ADAM22: variants seen among roughly 807,000 people sequenced by gnomAD.
ADAM22 encodes ADAM metallopeptidase domain 22.
Under a neutral mutation model 144.6 loss-of-function variants are expected in ADAM22, and 65 were observed. The ratio of observed to expected loss-of-function variants is 0.45; its 90% CI spans 0.37 to 0.55. The LOEUF (loss-of-function observed/expected upper bound fraction) is 0.55. Ranked by LOEUF, ADAM22 falls within the 20% of genes least tolerant of loss-of-function variation. The pLI, the probability that ADAM22 is intolerant of heterozygous loss-of-function variation, is 0.00. For synonymous variants in ADAM22, 391 were observed against 412.6 expected (o/e 0.95, Z 0.63); for missense variants, 974 against 1,184.9 (o/e 0.82, Z 2.61).
intron 3 of ADAM22, among the ~76,000 whole-genome samples, chr7:87,986,494 A>G (rs1229966980): frequency 1.3e-5 from 2 of 152,198 alleles, no homozygotes; most frequent in African/African-American, 4.8e-5. Flanking sequence ...TTGTTTCTGA[A>G]GGGGTATTTG....
chr7:88,068,584 A>G (rs1267958823), intron 3 of ADAM22, among the ~76,000 whole-genome samples: 1 of 152,228 alleles, frequency 6.6e-6, no homozygotes, highest in Non-Finnish European at 1.5e-5. Flanking sequence ...TAGAACAAGA[A>G]GGCATAGCTT....
At chr7:88,100,159 T>G (rs1031690983) in intron 4 of ADAM22, among the ~76,000 whole-genome samples, 1 of 152,148 alleles carries the variant, frequency 6.6e-6, no homozygotes, top group Non-Finnish European at 1.5e-5. Context: ...AACTTTTCTG[T>G]GTATCAGAAT....
intron 8 of ADAM22, among the ~76,000 whole-genome samples, chr7:88,125,981 C>T (rs1359016971): frequency 1.3e-5 from 2 of 151,898 alleles, no homozygotes; most frequent in Non-Finnish European, 2.9e-5. Context: ...TCGTGGAATC[C>T]ACTTGTATGG....
rs1399401385 is a variant in ADAM22, at chr7:88,198,610, TAA to T, written c.*2122_*2123del. ...AATGCTATAAGGTTTATTTTGACTA[TAA>T]AAGAGTTTATAGATTTGAATATAAG... On this transcript the variant is annotated 3_prime_UTR_variant, in exon 32 of 32. Coordinates refer to ENST00000413139, the MANE Select transcript of ADAM22 (RefSeq NM_001324418.2). 3.3e-5 allele frequency: 5 copies of T among 152,242 alleles called. No homozygotes were observed. The highest frequency in any genetic ancestry group is 6.5e-5 in the Admixed American group (1 of 15,282). 9.4% of individuals were successfully genotyped at this position (152,242 alleles called of 1,614,324 possible).
intron 4 of ADAM22, among the ~76,000 whole-genome samples, chr7:88,107,895 A>G (rs967584942): frequency 2.0e-5 from 3 of 152,024 alleles, no homozygotes; most frequent in Non-Finnish European, 4.4e-5. Context: ...CTGACTCCCC[A>G]TGTGTATTTC....
At chr7:88,148,904 GT>G (rs1034400525) in intron 17 of ADAM22, 72 bp from the exon 18 acceptor site, 34 of 1,154,490 alleles carry the variant, frequency 2.9e-5, no homozygotes, top group Admixed American at 1.7e-4. Context: ...TTTTCATTTT[GT>G]TTTTTTTAGA....
intron 3 of ADAM22, among the ~76,000 whole-genome samples, chr7:87,992,824 T>C (rs1790210867): frequency 6.6e-6 from 1 of 152,068 alleles, no homozygotes; most frequent in African/African-American, 2.4e-5. Flanking sequence ...CATTCTTGGG[T>C]CCAGAAAAGA....
intron 20 of ADAM22, among the ~76,000 whole-genome samples, chr7:88,151,839 T>C (rs964460187): frequency 6.6e-6 from 1 of 152,212 alleles, no homozygotes; most frequent in African/African-American, 2.4e-5. Flanking sequence ...AAAGAAATGT[T>C]AATGTTTAGC....
intron 2 of ADAM22, among the ~76,000 whole-genome samples, chr7:87,942,563 A>G (rs939145605): frequency 6.6e-6 from 1 of 152,224 alleles, no homozygotes; most frequent in Non-Finnish European, 1.5e-5. Context: ...TATGACTTTT[A>G]GTGCCTGAAA....
chr7:88,125,092 A>T (rs1016797412), intron 7 of ADAM22, among the ~76,000 whole-genome samples: 2 of 152,072 alleles, frequency 1.3e-5, no homozygotes, highest in African/African-American at 4.8e-5. Flanking sequence ...TACCAAGAGC[A>T]GATAAATCCT....
Position 88,168,166 on chromosome 7 carries a change from A to G in ADAM22, c.2221A>G (p.Ile741Val), listed in dbSNP as rs776188879. 3 of 1,613,262 alleles carry G rather than the reference A, an allele frequency of 1.9e-6. No homozygotes were observed. In the South Asian group the frequency reaches 3.3e-5, roughly 18 times the overall value. Residue 741 changes from isoleucine to valine, a missense_variant, in exon 25 of 32, where the codon ATA becomes GTA. Physicochemically the swap from Ile to Val is conservative, Grantham distance 29. Around this residue, in one of 2 missense-constraint regions of ADAM22, gnomAD observed 734 missense variants for 950.6 expected, o/e 0.77. Coordinates refer to ENST00000413139, the MANE Select transcript of ADAM22 (RefSeq NM_001324418.2). ...TGCTGGCACCAATATCATAATAGGC[A>G]TAATTGCTGGCACCATTTTAGTGCT... The part of the protein sequence containing the change: ...GVAGTNIIIG[I>V]IAGTILVLAL...
intron 2 of ADAM22, among the ~76,000 whole-genome samples, chr7:87,940,622 G>A (rs773560465): frequency 1.1e-4 from 16 of 152,176 alleles, no homozygotes; most frequent in Non-Finnish European, 1.9e-4. Flanking sequence ...ACAAGTGGGA[G>A]GATCAGCCCA....
intron 3 of ADAM22, among the ~76,000 whole-genome samples, chr7:88,056,893 G>T (rs553376011): frequency 6.6e-6 from 1 of 152,214 alleles, no homozygotes; most frequent in East Asian, 1.9e-4. Flanking sequence ...GTCTTGATTT[G>T]TTTTCTTTCC....
intron 30 of ADAM22, among the ~76,000 whole-genome samples, chr7:88,187,801 A>C (rs530839906): frequency 2.3e-4 from 35 of 152,274 alleles, no homozygotes; most frequent in African/African-American, 7.7e-4. Flanking sequence ...TTAGTTATGC[A>C]TAGTTTGAGA....
At chr7:88,138,724 A>G (rs1430299457) in intron 14 of ADAM22, among the ~76,000 whole-genome samples, 1 of 152,232 alleles carries the variant, frequency 6.6e-6, no homozygotes, top group African/African-American at 2.4e-5. Context: ...GGAGAGAGAC[A>G]TGATATCTGC....
chr7:87,988,228 C>T (rs976126827), intron 3 of ADAM22, among the ~76,000 whole-genome samples: 3 of 152,110 alleles, frequency 2.0e-5, no homozygotes, highest in Non-Finnish European at 4.4e-5. Context: ...CTACAAGCAG[C>T]AAGGCATAGC....
At chr7:88,079,358 G>A (rs532506235) in intron 4 of ADAM22, among the ~76,000 whole-genome samples, 299 of 152,258 alleles carry the variant, frequency 2.0e-3, no homozygotes, top group African/African-American at 7.1e-3. Context: ...ACTAAACAGG[G>A]AAAGGAACAA....
intron 4 of ADAM22, among the ~76,000 whole-genome samples, chr7:88,086,141 A>T (rs1001940558): frequency 6.6e-6 from 1 of 152,198 alleles, no homozygotes; most frequent in Admixed American, 6.5e-5. Context: ...GCGCCACTGC[A>T]CTCCAGCCTG....
intron 2 of ADAM22, among the ~76,000 whole-genome samples, chr7:87,967,152 T>A (rs1460797000): frequency 1.3e-5 from 2 of 152,162 alleles, no homozygotes; most frequent in African/African-American, 4.8e-5. Flanking sequence ...CCCACCCCTG[T>A]GAACTGAGTC....
Sources: allele counts gnomAD v4.1 joint callset (sites outside exome capture counted in the v4.1 genomes callset), GRCh38; gene constraint gnomAD v4.1.1; regional missense constraint gnomAD v4.1.1; transcripts MANE v1.5; gene names NCBI Gene and HGNC (gene_info 2026-07-23, HGNC 2026-07-21).